Variants in CHRNB1 observed in about 807,000 individuals in gnomAD.
CHRNB1 encodes cholinergic receptor nicotinic beta 1 subunit.
CHRNB1 carries 47 observed loss-of-function variants against 53.8 expected under a neutral mutation model. The observed-to-expected ratio is 0.87, with a 90% confidence interval of 0.69 to 1.11. The LOEUF is 1.11. CHRNB1 is among the 50% of genes most tolerant of loss of function. The pLI, the probability that CHRNB1 is intolerant of heterozygous loss-of-function variation, is 0.00. For missense variants in CHRNB1, 605 were observed against 654.9 expected (o/e 0.92, Z 0.83); for synonymous variants, 259 against 263.5 (o/e 0.98, Z 0.16).
chr17:7,447,754 G>A, intron 6 of CHRNB1, 104 bp downstream of exon 6: 2 of 1,380,986 alleles, frequency 1.4e-6, no homozygotes, highest in Non-Finnish European at 2.1e-6. Flanking sequence ...TGTGGGGTCA[G>A]CAGGATGGGT....
intron 6 of CHRNB1, among the ~76,000 whole-genome samples, chr17:7,448,196 C>CCAA (rs1420461361): frequency 2.0e-5 from 3 of 150,586 alleles, no homozygotes; most frequent in Non-Finnish European, 4.4e-5. Flanking sequence ...ACCACCCTGG[C>CCAA]CAACATGGTG....
At chr17:7,448,510 G>A in intron 6 of CHRNB1, 69 bp from the exon 7 acceptor site, 3 of 1,495,194 alleles carry the variant, frequency 2.0e-6, no homozygotes, top group African/African-American at 1.4e-5. Context: ...CTGTGGCAGA[G>A]CAAGCCATAC....
At chr17:7,447,674 C>A in intron 6 of CHRNB1, 24 bp downstream of exon 6, 1 of 1,613,804 alleles carries the variant, frequency 6.2e-7, no homozygotes, top group Non-Finnish European at 8.5e-7. Context: ...GCTCCTACAT[C>A]CATGGGCTCT....
chr17:7,447,353 C>A, intron 5 of CHRNB1, 150 bp from the exon 6 acceptor site: 2 of 981,974 alleles, frequency 2.0e-6, no homozygotes, highest in South Asian at 1.3e-5. Context: ...AGTGACCGCC[C>A]TCCCCATCCC....
Position 7,449,402 on chromosome 17 carries a change from C to CTT in CHRNB1, c.820+636_820+637dup, listed in dbSNP as rs769505757. 6.7e-3 allele frequency among the ~76,000 whole-genome samples: 597 copies of CTT among 88,980 alleles called. 6 individuals carry two copies. Among genetic ancestry groups the CTT allele is most frequent in the East Asian group, 0.03 (81 of 2,658 alleles). The allele number at this position is 88,980 out of a possible 152,430, so 58.4% of individuals were successfully genotyped here. ...ACAGTCGTGAGCCACAGGGCCCGAC[C>CTT]TTTTTTTTTTTTTTTTTTTTTTTGA... is the stretch of plus-strand genomic sequence containing the variant. On this transcript the variant is annotated intron_variant, in intron 7 of 10. Coordinates refer to ENST00000306071, the MANE Select transcript of CHRNB1 (RefSeq NM_000747.3).
chr17:7,448,083 A>G (rs1453665030), intron 6 of CHRNB1, among the ~76,000 whole-genome samples: 1 of 142,014 alleles, frequency 7.0e-6, no homozygotes. Flanking sequence ...TCAAAAAAAA[A>G]AAAAAAAAAA....
At chr17:7,446,807 C>G in intron 3 of CHRNB1, 26 bp from the exon 4 acceptor site, 2 of 1,587,124 alleles carry the variant, frequency 1.3e-6, no homozygotes, top group Non-Finnish European at 1.7e-6. Context: ...CAACCCGGGG[C>G]AGCCCCTCAG....
intron 7 of CHRNB1, among the ~76,000 whole-genome samples, chr17:7,452,209 C>A (rs898272836): frequency 6.6e-6 from 1 of 152,036 alleles, no homozygotes; most frequent in Non-Finnish European, 1.5e-5. Flanking sequence ...TCACACACCA[C>A]GATGCCCAGC....
intron 3 of CHRNB1, chr17:7,446,498 T>G: frequency 3.9e-6 from 2 of 512,562 alleles, no homozygotes; most frequent in Non-Finnish European, 7.0e-6. Flanking sequence ...TGGCCCATTC[T>G]AATTTTTGAA....
At position 7,447,122 on chromosome 17, in the gene CHRNB1, G is replaced by A. The variant is rs1246519580; in HGVS notation, c.433G>A (p.Gly145Ser). 1.2e-6 allele frequency: 2 copies of A among 1,614,104 alleles called. No homozygotes were observed. Among genetic ancestry groups the A allele is most frequent in the Non-Finnish European group, 1.7e-6 (2 of 1,180,018 alleles). Residue 145 changes from glycine (G) to serine (S), a missense_variant, in exon 5 of 11, where the codon GGC becomes AGC. Physicochemically the swap from Gly to Ser is moderately conservative, Grantham distance 56 (BLOSUM62 0). Coordinates refer to ENST00000306071, the MANE Select transcript of CHRNB1 (RefSeq NM_000747.3). Reference protein sequence around the residue: ...SDGSVRWQPPGIYRSSCSIQV... With the variant: ...SDGSVRWQPPSIYRSSCSIQV... ...CGGCTCCGTGCGTTGGCAACCCCCGGGCATCTATCGCAGCAGCTGCAGCAT... is the reference window on the plus strand; with the variant it reads ...CGGCTCCGTGCGTTGGCAACCCCCGAGCATCTATCGCAGCAGCTGCAGCAT...
At position 7,446,839 on chromosome 17, in the gene CHRNB1, A is replaced by T; in HGVS notation, c.250A>T (p.Thr84Ser). ...STKVYLDLEW[T>S]DYRLSWDPAE... ...TCAGCCTCTGCTTCACTAGGAGTGG[A>T]CTGACTACAGGCTGAGCTGGGACCC... Residue 84 changes from threonine (T) to serine (S), a missense_variant, in exon 4 of 11, where the codon ACT (threonine) becomes TCT (serine). Thr to Ser is a moderately conservative substitution (Grantham distance 58). Transcript: ENST00000306071. 6.2e-7 allele frequency: 1 copy of T among 1,613,558 alleles called. No individual in the cohort carries two copies. The highest frequency in any genetic ancestry group is 8.5e-7 in the Non-Finnish European group (1 of 1,179,722).
Position 7,455,301 on chromosome 17 carries a change from T to C in CHRNB1, c.1062T>C (p.Leu354=), listed in dbSNP as rs2069937415. ...LWVRQIFIHK[L]PLYLRLKRPK... ...CTCTGCAGATCTTCATTCACAAACTTCCGCTGTACCTGCGTCTAAAAAGGC... is the reference window on the plus strand; with the variant it reads ...CTCTGCAGATCTTCATTCACAAACTCCCGCTGTACCTGCGTCTAAAAAGGC... The change falls in exon 9 of 11, where the codon CTT becomes CTC. Residue 354 remains leucine, a synonymous_variant. Transcript: ENST00000306071. 1.2e-6 allele frequency: 2 copies of C among 1,613,974 alleles called. No individual in the cohort carries two copies. Among genetic ancestry groups the C allele is most frequent in the Non-Finnish European group, 1.7e-6 (2 of 1,180,026 alleles).
At chr17:7,453,407 C>G (rs1002970852) in intron 7 of CHRNB1, among the ~76,000 whole-genome samples, 17 of 152,112 alleles carry the variant, frequency 1.1e-4, no homozygotes, top group African/African-American at 4.1e-4. Context: ...GTGTGAGCCA[C>G]TGTACCCGGC....
chr17:7,447,024 T>A lies in CHRNB1; in HGVS notation c.354-19T>A. On this transcript the variant is annotated intron_variant, in intron 4 of 10. Coordinates refer to ENST00000306071, the MANE Select transcript of CHRNB1 (RefSeq NM_000747.3). ...TCCGGGCGCGGGGCCTGATCCCTGATGAGATCCCTTCTCTGCAGCAATGAT... is the reference window on the plus strand; with the variant it reads ...TCCGGGCGCGGGGCCTGATCCCTGAAGAGATCCCTTCTCTGCAGCAATGAT... 1 of 1,548,684 alleles carries A rather than the reference T, an allele frequency of 6.5e-7. No individual in the cohort carries two copies. Among genetic ancestry groups the A allele is most frequent in the Non-Finnish European group, 8.9e-7 (1 of 1,120,046 alleles).
intron 7 of CHRNB1, among the ~76,000 whole-genome samples, chr17:7,449,939 G>A (rs565686222): frequency 6.6e-6 from 1 of 151,640 alleles, no homozygotes; most frequent in African/African-American, 2.4e-5. Flanking sequence ...AGCTACTTGG[G>A]AGGCTGAGGC....
intron 7 of CHRNB1, among the ~76,000 whole-genome samples, chr17:7,451,908 C>T (rs781229302): frequency 1.4e-4 from 22 of 152,198 alleles, no homozygotes; most frequent in Non-Finnish European, 2.6e-4. Flanking sequence ...GCCACAGCCC[C>T]GCCGCCACCC....
chr17:7,449,234 G>A (rs991339363), intron 7 of CHRNB1, among the ~76,000 whole-genome samples: 1 of 150,788 alleles, frequency 6.6e-6, no homozygotes, highest in African/African-American at 2.4e-5. Flanking sequence ...CTCCCGAGTA[G>A]CTGGGACTAC....
chr17:7,454,506 C>T lies in CHRNB1; in HGVS notation c.1030C>T (p.Leu344Phe). 1 of 1,614,098 alleles carries T rather than the reference C, an allele frequency of 6.2e-7. No individual in the cohort carries two copies. Among genetic ancestry groups the T allele is most frequent in the South Asian group, 1.1e-5 (1 of 91,082 alleles). Reference protein sequence around the residue: ...HRSPHTHQMPLWVRQIFIHKL... With the variant: ...HRSPHTHQMPFWVRQIFIHKL... ...CTCACCCCACACCCACCAAATGCCC[C>T]TTTGGGTCCGTCAGGTAAGAAAGAT... The change falls in exon 8 of 11, where the codon CTT becomes TTT. Residue 344 changes from leucine to phenylalanine, a missense_variant. Coordinates refer to ENST00000306071, the MANE Select transcript of CHRNB1 (RefSeq NM_000747.3).
rs763150314 is a variant in CHRNB1 at position 7,455,811 on chromosome 17, C to T, written c.1235C>T (p.Ser412Phe). 1.2e-6 allele frequency: 2 copies of T among 1,614,186 alleles called. No individual in the cohort carries two copies. Among genetic ancestry groups the T allele is most frequent in the Non-Finnish European group, 1.7e-6 (2 of 1,180,036 alleles). ...PKPNRFQPEL[S>F]APDLRRFIDG... ...TCTTCCAGGTTCCAGCCTGAACTGT[C>T]TGCCCCTGATCTGCGGCGATTTATC... Residue 412 changes from serine (S) to phenylalanine (F), a missense_variant, in exon 10 of 11, where the codon TCT (serine) becomes TTT (phenylalanine). Physicochemically the swap from Ser to Phe is radical, Grantham distance 155. Coordinates refer to ENST00000306071, the MANE Select transcript of CHRNB1 (RefSeq NM_000747.3).
Sources: allele counts gnomAD v4.1 joint callset (sites outside exome capture counted in the v4.1 genomes callset), GRCh38; gene constraint gnomAD v4.1.1; transcripts MANE v1.5; gene names NCBI Gene and HGNC (gene_info 2026-07-23, HGNC 2026-07-21).